The following DNAH14 variants were observed in gnomAD, a reference collection of about 807,000 sequenced individuals.
The protein encoded by DNAH14 is axonemal beta dynein heavy chain 14.
DNAH14 carries 478 observed loss-of-function variants against 520.9 expected under a neutral mutation model. The ratio of observed to expected loss-of-function variants is 0.92; its 90% CI spans 0.85 to 0.99. DNAH14 has a LOEUF of 0.99. Ranked by LOEUF, DNAH14 falls within the 50% of genes least tolerant of loss-of-function variation. DNAH14 has a pLI of 0.00. For missense variants in DNAH14, 4,831 were observed against 5,234.5 expected (o/e 0.92, Z 2.38); for synonymous variants, 1,581 against 1,757.2 (o/e 0.90, Z 2.51).
Position 225,064,724 on chromosome 1 carries a change from T to C in DNAH14, c.2424+12929T>C, listed in dbSNP as rs147081253. Among the ~76,000 whole-genome samples the C allele has an allele frequency of 4.0e-3, 609 of 152,144 alleles. 1 individual carries two copies. Among genetic ancestry groups the C allele is most frequent in the Non-Finnish European group, 6.3e-3 (431 of 67,912 alleles). ...GAAACTTGACAAGACAAATTTAATC[T>C]ATAGCAACAATAACTAGACAGATTG... is the stretch of plus-strand genomic sequence containing the variant. On this transcript the variant is annotated intron_variant, in intron 17 of 85. Transcript: ENST00000682510.
At chr1:225,011,758 CTTTTTTTTTTTTTTT>C (rs200216236) in intron 10 of DNAH14, among the ~76,000 whole-genome samples, 1 of 82,154 alleles carries the variant, frequency 1.2e-5, no homozygotes, top group African/African-American at 6.0e-5. Context: ...GCAACCTCTG[CTTTTTTTTTTTTTTT>C]TTTTTTTTTT....
chr1:225,130,718 C>T (rs910355963), intron 27 of DNAH14, among the ~76,000 whole-genome samples: 2 of 143,066 alleles, frequency 1.4e-5, no homozygotes, highest in South Asian at 2.2e-4. Context: ...ATACCTAATG[C>T]TAAATGACGA....
chr1:225,114,142 G>T (rs10915778), intron 23 of DNAH14, among the ~76,000 whole-genome samples: 5 of 152,238 alleles, frequency 3.3e-5, no homozygotes, highest in South Asian at 2.1e-4. Context: ...CCCATGGCAT[G>T]TACTACCTGG....
chr1:225,142,458 C>A (rs576065535), intron 28 of DNAH14, among the ~76,000 whole-genome samples: 2 of 152,184 alleles, frequency 1.3e-5, no homozygotes, highest in African/African-American at 2.4e-5. Context: ...ATGTTACATA[C>A]CTTTCAGTGA....
chr1:225,027,066 C>A (rs1280746737), intron 11 of DNAH14, among the ~76,000 whole-genome samples: 8 of 151,992 alleles, frequency 5.3e-5, no homozygotes, highest in African/African-American at 1.9e-4. Flanking sequence ...TCATTGCCAG[C>A]ATATTGAAAT....
intron 15 of DNAH14, among the ~76,000 whole-genome samples, chr1:225,047,631 C>G (rs922095722): frequency 2.0e-5 from 3 of 152,176 alleles, no homozygotes; most frequent in Admixed American, 1.3e-4. Context: ...ACACACTTCT[C>G]AGAATATATC....
intron 5 of DNAH14, 62 bp from the exon 6 acceptor site, chr1:224,967,369 A>G: frequency 8.0e-7 from 1 of 1,249,358 alleles, no homozygotes; most frequent in Non-Finnish European, 1.1e-6. Flanking sequence ...CACCCATTGT[A>G]TTAATTTAGT....
intron 41 of DNAH14, among the ~76,000 whole-genome samples, chr1:225,209,121 G>C (rs562055753): frequency 1.3e-5 from 2 of 152,188 alleles, no homozygotes; most frequent in African/African-American, 4.8e-5. Flanking sequence ...TTGGCAACAT[G>C]ACTTTTCTTA....
intron 42 of DNAH14, among the ~76,000 whole-genome samples, chr1:225,233,286 A>C (rs1030401783): frequency 6.6e-6 from 1 of 152,150 alleles, no homozygotes; most frequent in Non-Finnish European, 1.5e-5. Context: ...GTGTACCTTT[A>C]TAATAGAATG....
intron 55 of DNAH14, among the ~76,000 whole-genome samples, chr1:225,299,636 A>G (rs968318917): frequency 2.0e-4 from 30 of 152,176 alleles, no homozygotes; most frequent in Non-Finnish European, 3.7e-4. Context: ...AATCAGTTTC[A>G]GAAAATCATT....
chr1:224,964,378 T>C, intron 4 of DNAH14, 101 bp from the exon 5 acceptor site: 1 of 1,272,044 alleles, frequency 7.9e-7, no homozygotes, highest in South Asian at 2.7e-5. Flanking sequence ...TGTTACCATT[T>C]AAATTTTTCT....
At chr1:225,095,307 A>AC (rs61140785) in intron 21 of DNAH14, among the ~76,000 whole-genome samples, 39,520 of 152,110 alleles carry the variant, frequency 0.26, 7,948 homozygotes, top group African/African-American at 0.56. Context: ...CCCAAGGGAT[A>AC]TATGCAGCCA....
intron 36 of DNAH14, among the ~76,000 whole-genome samples, chr1:225,184,239 G>A (rs547392217): frequency 6.6e-6 from 1 of 152,284 alleles, no homozygotes; most frequent in South Asian, 2.1e-4. Flanking sequence ...AATTCACCAT[G>A]ATCAAGAAGC....
intron 39 of DNAH14, 135 bp from the exon 40 acceptor site, chr1:225,205,836 A>T: frequency 1.5e-6 from 1 of 664,660 alleles, no homozygotes; most frequent in Non-Finnish European, 2.5e-6. Context: ...ACATATAAAC[A>T]CATTCACTCT....
chr1:225,118,007 A>G lies in DNAH14; in HGVS notation c.4091+8A>G. 1 of 1,509,226 alleles carries G rather than the reference A, an allele frequency of 6.6e-7. No homozygotes were observed. The highest frequency in any genetic ancestry group is 9.0e-7 in the Non-Finnish European group (1 of 1,108,414). 93.5% of individuals were successfully genotyped at this position (1,509,226 alleles called of 1,614,324 possible). On this transcript the variant is annotated splice_region_variant and intron_variant, in intron 25 of 85. Coordinates refer to ENST00000682510, the MANE Select transcript of DNAH14 (RefSeq NM_001367479.1). ...AGGTCTCGTGCTGCCAAAGTATGAT[A>G]AATGTTACAAACTGTTTAGATTCTG... is the stretch of plus-strand genomic sequence containing the variant.
chr1:224,945,214 ACTTCT>A (rs1330988393), intron 1 of DNAH14, among the ~76,000 whole-genome samples: 1 of 151,494 alleles, frequency 6.6e-6, no homozygotes, highest in East Asian at 1.9e-4. Context: ...TTTTCTCTGA[ACTTCT>A]CTTCTCGCTT....
chr1:224,998,646 A>AGTTGTTGTT (rs150953013), intron 8 of DNAH14, among the ~76,000 whole-genome samples: 2 of 151,274 alleles, frequency 1.3e-5, no homozygotes, highest in African/African-American at 4.9e-5. Context: ...AAATGTGTTG[A>AGTTGTTGTT]GTTGTTGTTG....
At chr1:225,075,835 C>T (rs2072203495) in intron 17 of DNAH14, among the ~76,000 whole-genome samples, 1 of 152,216 alleles carries the variant, frequency 6.6e-6, no homozygotes, top group Non-Finnish European at 1.5e-5. Flanking sequence ...GGTGTCTGTG[C>T]ATTTGAAGAA....
intron 37 of DNAH14, among the ~76,000 whole-genome samples, chr1:225,188,321 A>T (rs1444477081): frequency 6.6e-6 from 1 of 151,948 alleles, no homozygotes; most frequent in Non-Finnish European, 1.5e-5. Context: ...GCATTTTATC[A>T]TATCATCATC....
Sources: gnomAD v4.1 joint callset for allele counts (sites outside exome capture counted in the v4.1 genomes callset) on GRCh38, gnomAD v4.1.1 for gene constraint, MANE v1.5 for transcripts, NCBI Gene and HGNC (gene_info 2026-07-23, HGNC 2026-07-21) for gene names.